Variants in SNTG1 observed in about 807,000 individuals in gnomAD.
The protein encoded by SNTG1 is syntrophin gamma 1.
In SNTG1, 39 loss-of-function variants were observed where a neutral mutation model predicts 74.7. The observed-to-expected ratio is 0.52, with a 90% confidence interval of 0.40 to 0.68. The LOEUF (loss-of-function observed/expected upper bound fraction) is 0.68, where lower values mean the gene tolerates loss of function less well. Ranked by LOEUF, SNTG1 falls within the 30% of genes least tolerant of loss-of-function variation. SNTG1 has a pLI of 0.00. For missense variants in SNTG1, 685 were observed against 609.5 expected, an observed-to-expected ratio of 1.12 and a Z score of -1.30; for synonymous variants, 254 against 217.1, an observed-to-expected ratio of 1.17 and a Z score of -1.49.
chr8:49,926,128 C>A (rs1368928419), intron 1 of SNTG1, among the ~76,000 whole-genome samples: 2 of 151,800 alleles, frequency 1.3e-5, no homozygotes, highest in East Asian at 1.9e-4. Context: ...TACTGTAAAA[C>A]AATAATAAGG....
intron 15 of SNTG1, among the ~76,000 whole-genome samples, chr8:50,684,968 T>C (rs2095346404): frequency 6.9e-6 from 1 of 143,930 alleles, no homozygotes; most frequent in African/African-American, 2.6e-5. Context: ...ATTTTCCATA[T>C]GTGCTACTTA....
intron 13 of SNTG1, among the ~76,000 whole-genome samples, chr8:50,608,801 A>G (rs779063969): frequency 9.2e-5 from 14 of 151,808 alleles, no homozygotes; most frequent in Admixed American, 3.9e-4. Flanking sequence ...TTACTGCCTA[A>G]GTTATATTAA....
chr8:50,147,834 C>T (rs2081925623), intron 1 of SNTG1, among the ~76,000 whole-genome samples: 1 of 152,170 alleles, frequency 6.6e-6, no homozygotes, highest in African/African-American at 2.4e-5. Context: ...TAACCATAAA[C>T]ACACTGCATG....
chr8:50,614,995 T>C (rs1197270120), intron 13 of SNTG1, among the ~76,000 whole-genome samples: 1 of 150,284 alleles, frequency 6.7e-6, no homozygotes, highest in African/African-American at 2.5e-5. Flanking sequence ...CAGGCTGGAG[T>C]ACAGTGGTGC....
rs79161988 is a variant in SNTG1, at chr8:49,935,788, C to A, written c.-103+23557C>A. Among the ~76,000 whole-genome samples, 318 of 152,298 alleles carry A rather than the reference C, an allele frequency of 2.1e-3. 2 individuals are homozygous for A. Among genetic ancestry groups the A allele is most frequent in the African/African-American group, 7.2e-3 (300 of 41,576 alleles). On this transcript the variant is annotated intron_variant, in intron 1 of 18. Coordinates refer to ENST00000642720, the MANE Select transcript of SNTG1 (RefSeq NM_018967.5). ...TTGGCAACTGCAAAACCCAACACTG[C>A]AATTCACCTGATAGCCTGGCAGATG... is the stretch of plus-strand genomic sequence containing the variant.
intron 4 of SNTG1, among the ~76,000 whole-genome samples, chr8:50,411,712 TG>T (rs1187379614): frequency 6.6e-6 from 1 of 152,162 alleles, no homozygotes; most frequent in Non-Finnish European, 1.5e-5. Flanking sequence ...GTTTCTTTTT[TG>T]CCAGTCAGTA....
intron 13 of SNTG1, among the ~76,000 whole-genome samples, chr8:50,626,447 A>G (rs1226015029): frequency 5.3e-5 from 8 of 152,184 alleles, no homozygotes; most frequent in African/African-American, 1.4e-4. Context: ...TAGCATGTGG[A>G]GTGGGAAATC....
chr8:50,650,775 T>A (rs7007279), intron 13 of SNTG1, among the ~76,000 whole-genome samples: 32,657 of 152,038 alleles, frequency 0.21, 3,930 homozygotes, highest in African/African-American at 0.31. Context: ...ATCTCAGCTC[T>A]CTGCAACCTC....
chr8:50,181,043 C>A (rs774309031), intron 2 of SNTG1, among the ~76,000 whole-genome samples: 1 of 152,114 alleles, frequency 6.6e-6, no homozygotes, highest in Non-Finnish European at 1.5e-5. Context: ...GGATTACAGG[C>A]GTGAGCCACT....
In SNTG1 at chr8:50,774,622, C is replaced by G. The variant is rs971692954; in HGVS notation, c.1396-18049C>G. 2.0e-5 allele frequency among the ~76,000 whole-genome samples: 3 copies of G among 151,672 alleles called. No homozygotes were observed. In the East Asian group the frequency reaches 5.8e-4, roughly 29 times the overall value. ...TTTTAGATAATAACTTGAATACACA[C>G]TTAGAAATAATAAAAACACCATTAA... is the stretch of plus-strand genomic sequence containing the variant. On this transcript the variant is annotated intron_variant, in intron 18 of 18. Transcript: ENST00000642720.
At chr8:50,698,534 A>G (rs1585571264) in intron 15 of SNTG1, among the ~76,000 whole-genome samples, 1 of 152,008 alleles carries the variant, frequency 6.6e-6, no homozygotes, top group Non-Finnish European at 1.5e-5. Context: ...CAATGGCTGG[A>G]GCCCATGCCA....
chr8:50,608,901 C>T (rs1330327992), intron 13 of SNTG1, among the ~76,000 whole-genome samples: 5 of 151,946 alleles, frequency 3.3e-5, no homozygotes, highest in Non-Finnish European at 7.4e-5. Context: ...TTGGGAATCA[C>T]ATATGCATCT....
chr8:50,286,297 G>T (rs2088778604), intron 2 of SNTG1, among the ~76,000 whole-genome samples: 1 of 152,142 alleles, frequency 6.6e-6, no homozygotes. Flanking sequence ...TTCTACTGCT[G>T]TTTGTTTCAA....
At chr8:50,415,217 G>A (rs2092999656) in intron 4 of SNTG1, among the ~76,000 whole-genome samples, 1 of 152,074 alleles carries the variant, frequency 6.6e-6, no homozygotes, top group Non-Finnish European at 1.5e-5. Context: ...TCTGAAAATG[G>A]CAGTAATGTA....
intron 2 of SNTG1, among the ~76,000 whole-genome samples, chr8:50,351,268 A>G (rs909916752): frequency 1.3e-5 from 2 of 152,210 alleles, no homozygotes; most frequent in Non-Finnish European, 2.9e-5. Flanking sequence ...CAAAACTGGC[A>G]AAGTCCCGAA....
rs187109410 is a variant in SNTG1 at position 50,708,669 on chromosome 8, C to T, written c.1192-217C>T. ...AGAGGGAGCAGGATTGGAAACTCGG[C>T]GGGGCATACACCTTGGCAAGTTAAA... On this transcript the variant is annotated intron_variant, in intron 16 of 18. Coordinates refer to ENST00000642720, the MANE Select transcript of SNTG1 (RefSeq NM_018967.5). The T allele has an allele frequency of 6.2e-4, 320 of 515,008 alleles. 2 individuals are homozygous for T. Among genetic ancestry groups the T allele is most frequent in the Non-Finnish European group, 1.1e-4 (32 of 289,150 alleles). The allele number at this position is 515,008 out of a possible 1,614,324, so 31.9% of individuals were successfully genotyped here.
intron 1 of SNTG1, among the ~76,000 whole-genome samples, chr8:50,161,534 G>A (rs1437824422): frequency 6.6e-6 from 1 of 152,060 alleles, no homozygotes; most frequent in African/African-American, 2.4e-5. Context: ...GTGTCCATGT[G>A]CTGATTCTAG....
At chr8:49,965,449 T>C (rs1811054070) in intron 1 of SNTG1, among the ~76,000 whole-genome samples, 1 of 152,258 alleles carries the variant, frequency 6.6e-6, no homozygotes, top group African/African-American at 2.4e-5. Flanking sequence ...GACATTTCAC[T>C]TTGATTCTCA....
At chr8:50,005,385 C>T (rs574216968) in intron 1 of SNTG1, among the ~76,000 whole-genome samples, 9 of 150,656 alleles carry the variant, frequency 6.0e-5, no homozygotes, top group African/African-American at 2.2e-4. Context: ...TAAATAAACC[C>T]AAAAATTTCC....
Sources: allele counts gnomAD v4.1 joint callset (sites outside exome capture counted in the v4.1 genomes callset), GRCh38; gene constraint gnomAD v4.1.1; transcripts MANE v1.5; gene names NCBI Gene and HGNC (gene_info 2026-07-23, HGNC 2026-07-21).